KNTC1: variants seen among roughly 807,000 people sequenced by gnomAD.
KNTC1 encodes kinetochore-associated protein 1.
In KNTC1, 253 loss-of-function variants were observed where a neutral mutation model predicts 314.4. The ratio of observed to expected loss-of-function variants is 0.80; its 90% confidence interval spans 0.73 to 0.89. KNTC1 has a LOEUF of 0.89. Among genes scored for constraint, KNTC1 ranks in the 40% least tolerant of loss-of-function variants. The pLI is 0.00. For synonymous variants in KNTC1, 901 were observed against 901.4 expected (o/e 1.00, Z 0.01); for missense variants, 2,475 against 2,572.9 (o/e 0.96, Z 0.82).
chr12:122,603,342 GCTTGCTCT>G, intron 48 of KNTC1, 99 bp downstream of exon 48: 1 of 881,038 alleles, frequency 1.1e-6, no homozygotes, highest in Non-Finnish European at 1.7e-6. Context: ...AAATGTATTT[GCTTGCTCT>G]CTTAACTGTG....
At position 122,602,663 on chromosome 12, in the gene KNTC1, T is replaced by C. The variant is rs1294494775; in HGVS notation, c.4748T>C (p.Leu1583Ser). 1 of 1,613,600 alleles carries C rather than the reference T, an allele frequency of 6.2e-7. No homozygotes were observed. The highest frequency in any genetic ancestry group is 2.2e-5 in the East Asian group (1 of 44,868). The change falls in exon 46 of 64, where the codon TTG becomes TCG. Residue 1583 changes from leucine to serine, a missense_variant. Coordinates refer to ENST00000333479, the MANE Select transcript of KNTC1 (RefSeq NM_014708.6). ...TATATGTTGGAACATGTCATAACTTTGCCATCAGCTGCCCAAACTAGACTG... is the reference window on the plus strand; with the variant it reads ...TATATGTTGGAACATGTCATAACTTCGCCATCAGCTGCCCAAACTAGACTG... ...YQYMLEHVIT[L>S]PSAAQTRLPF...
At position 122,602,631 on chromosome 12, in the gene KNTC1, A is replaced by G. The variant is rs187488050; in HGVS notation, c.4716A>G (p.Glu1572=). 9 of 1,611,800 alleles carry G rather than the reference A, an allele frequency of 5.6e-6. No individual in the cohort carries two copies. In the Admixed American group the frequency reaches 1.5e-4, roughly 27 times the overall value. The change falls in exon 46 of 64, where the codon GAA becomes GAG. Residue 1572 remains glutamate, a synonymous_variant. Transcript: ENST00000333479. ...GAATTTCTCCTCCCGTGGATCTAGAATATCAGTATATGTTGGAACATGTCA... is the reference window on the plus strand; with the variant it reads ...GAATTTCTCCTCCCGTGGATCTAGAGTATCAGTATATGTTGGAACATGTCA... ...YRRISPPVDL[E]YQYMLEHVIT... is the part of the protein sequence containing the mutation.
chr12:122,548,126 A>G (rs1266886619), intron 12 of KNTC1, among the ~76,000 whole-genome samples, 157 bp downstream of exon 12: 1 of 152,240 alleles, frequency 6.6e-6, no homozygotes, highest in Non-Finnish European at 1.5e-5. Flanking sequence ...TTTTAAAGTA[A>G]AAAGCTGTAA....
At chr12:122,546,508 A>T (rs1962776149) in intron 9 of KNTC1, 114 bp from the exon 10 acceptor site, 3 of 744,338 alleles carry the variant, frequency 4.0e-6, no homozygotes, top group Non-Finnish European at 2.2e-6. Flanking sequence ...GAATAAAGGA[A>T]AATGGGACCT....
intron 30 of KNTC1, 106 bp downstream of exon 30, chr12:122,577,135 T>A: frequency 1.2e-6 from 1 of 803,798 alleles, no homozygotes; most frequent in Non-Finnish European, 1.8e-6. Flanking sequence ...TGGAGTGCAG[T>A]GGCTGTGTTT....
rs764316821 is a variant in KNTC1 at position 122,589,310 on chromosome 12, CTTTA to C, written c.3999+498_3999+501del. Among the ~76,000 whole-genome samples the C allele has an allele frequency of 9.0e-4, 136 of 151,762 alleles. 1 individual carries two copies. The highest frequency in any genetic ancestry group is 1.5e-3 in the South Asian group (7 of 4,806). On this transcript the variant is annotated intron_variant, in intron 40 of 63. Transcript: ENST00000333479. The stretch of plus-strand genomic sequence containing the variant: ...GCAGAAATCCTAATTTTCCATTACC[CTTTA>C]TTTTTTAAAAGATTCTAATATTTTA...
At chr12:122,619,159 G>A (rs567400388) in intron 59 of KNTC1, among the ~76,000 whole-genome samples, 8 of 150,188 alleles carry the variant, frequency 5.3e-5, no homozygotes, top group Admixed American at 1.3e-4. Flanking sequence ...CCAGGTTCAC[G>A]CCATTCTCCC....
At chr12:122,576,019 T>C in intron 29 of KNTC1, 120 bp downstream of exon 29, 1 of 1,196,604 alleles carries the variant, frequency 8.4e-7, no homozygotes, top group South Asian at 1.7e-5. Flanking sequence ...TACATTTCTT[T>C]TGTTAGATAT....
At chr12:122,567,232 G>T (rs1362762590) in intron 20 of KNTC1, among the ~76,000 whole-genome samples, 1 of 151,668 alleles carries the variant, frequency 6.6e-6, no homozygotes, top group Non-Finnish European at 1.5e-5. Flanking sequence ...CACCACACCG[G>T]CTATTTTTTG....
chr12:122,541,287 G>GCCTGCCTGCCTTCCTTCCTT (rs758235054), intron 5 of KNTC1, among the ~76,000 whole-genome samples: 34 of 120,976 alleles, frequency 2.8e-4, no homozygotes, highest in Middle Eastern at 3.9e-3. Context: ...CTGCCTGCCT[G>GCCTGCCTGCCTTCCTTCCTT]CCTTCCTTCC....
chr12:122,578,182 G>T (rs1965156781), intron 31 of KNTC1, among the ~76,000 whole-genome samples: 1 of 152,138 alleles, frequency 6.6e-6, no homozygotes, highest in Non-Finnish European at 1.5e-5. Flanking sequence ...CTTAGAAATG[G>T]TTTTAAGAGA....
At chr12:122,574,459 G>C in intron 27 of KNTC1, 79 bp downstream of exon 27, 1 of 851,408 alleles carries the variant, frequency 1.2e-6, no homozygotes, top group Non-Finnish European at 1.8e-6. Flanking sequence ...TCATAAAAGC[G>C]ACATATATTT....
chr12:122,561,858 C>A, intron 18 of KNTC1, 63 bp from the exon 19 acceptor site: 1 of 1,363,056 alleles, frequency 7.3e-7, no homozygotes, highest in Non-Finnish European at 1.0e-6. Context: ...CACAGAAAAT[C>A]CATCATTTAG....
At position 122,610,820 on chromosome 12, in the gene KNTC1, A is replaced by G; in HGVS notation, c.5544-2A>G. On this transcript the variant is annotated splice_acceptor_variant, in intron 52 of 63. Coordinates refer to ENST00000333479, the MANE Select transcript of KNTC1 (RefSeq NM_014708.6). LOFTEE classifies it high-confidence loss of function. ...TGACTGTAATTAAAATTTTTTTTCC[A>G]GAGTGCAGTATCTCCTCCTGTCTCG... 6.2e-7 allele frequency: 1 copy of G among 1,604,276 alleles called. No individual in the cohort carries two copies. The highest frequency in any genetic ancestry group is 8.5e-7 in the Non-Finnish European group (1 of 1,174,436).
intron 42 of KNTC1, chr12:122,594,026 G>C: frequency 4.4e-6 from 2 of 449,532 alleles, no homozygotes; most frequent in Non-Finnish European, 7.9e-6. Flanking sequence ...CTGGTGTTCT[G>C]TTGACATTAA....
At chr12:122,576,804 A>AG in intron 29 of KNTC1, 91 bp from the exon 30 acceptor site, 1 of 979,424 alleles carries the variant, frequency 1.0e-6, no homozygotes, top group African/African-American at 1.7e-5. Context: ...GCATTATTTA[A>AG]ATTTTTTTGC....
intron 24 of KNTC1, among the ~76,000 whole-genome samples, chr12:122,571,539 T>C (rs1314456864): frequency 3.3e-5 from 5 of 151,924 alleles, no homozygotes; most frequent in Non-Finnish European, 7.4e-5. Flanking sequence ...TTGTATTTTT[T>C]GTAAAGAAGG....
At position 122,626,340 on chromosome 12, in the gene KNTC1, A is replaced by G; in HGVS notation, c.*112A>G. 1 of 734,984 alleles carries G rather than the reference A, an allele frequency of 1.4e-6. No homozygotes were observed. Among genetic ancestry groups the G allele is most frequent in the Non-Finnish European group, 2.3e-6 (1 of 427,776 alleles). The allele number at this position is 734,984 out of a possible 1,614,324, so 45.5% of individuals were successfully genotyped here. Reference sequence around the variant, plus strand: ...ATCTCTGTATTATAGCTATTTGTCTAACATTACCCCACATGTAATAAATAA... The same window carrying G: ...ATCTCTGTATTATAGCTATTTGTCTGACATTACCCCACATGTAATAAATAA... On this transcript the variant is annotated 3_prime_UTR_variant, in exon 64 of 64. Transcript: ENST00000333479.
At chr12:122,536,408 T>G (rs1031988913) in intron 3 of KNTC1, among the ~76,000 whole-genome samples, 1 of 151,108 alleles carries the variant, frequency 6.6e-6, no homozygotes, top group Non-Finnish European at 1.5e-5. Flanking sequence ...TTTTTTGTAT[T>G]TTTAGAAGAA....
Sources: allele counts gnomAD v4.1 joint callset (sites outside exome capture counted in the v4.1 genomes callset), GRCh38; gene constraint gnomAD v4.1.1; transcripts MANE v1.5; gene names NCBI Gene and HGNC (gene_info 2026-07-23, HGNC 2026-07-21).